The following MTRF1 variants were observed in gnomAD, a reference collection of about 807,000 sequenced individuals.
MTRF1 encodes the protein peptide chain release factor 1, mitochondrial.
MTRF1 carries 51 observed loss-of-function variants against 62.9 expected under a neutral mutation model. The observed-to-expected ratio is 0.81, with a 90% CI of 0.65 to 1.02. The LOEUF (loss-of-function observed/expected upper bound fraction) is 1.02, where lower values mean the gene tolerates loss of function less well. Ranked by LOEUF, MTRF1 falls within the 50% of genes least tolerant of loss-of-function variation. MTRF1 has a pLI of 0.00. For synonymous variants in MTRF1, 158 were observed against 181.9 expected (o/e 0.87, Z 1.06); for missense variants, 446 against 530.0 (o/e 0.84, Z 1.56).
upstream of MTRF1, among the ~76,000 whole-genome samples, chr13:41,268,318 A>G (rs1268196187): frequency 2.0e-5 from 3 of 152,224 alleles, no homozygotes; most frequent in Non-Finnish European, 2.9e-5. Flanking sequence ...TAGGGAAACC[A>G]ATATCTTAAA....
the MTRF1 span, among the ~76,000 whole-genome samples, chr13:41,303,894 CA>C: frequency 6.6e-6 from 1 of 152,156 alleles, no homozygotes; most frequent in Non-Finnish European, 1.5e-5. Flanking sequence ...TGTAGTAGAG[CA>C]AATCTCCCCA....
intron 9 of MTRF1, among the ~76,000 whole-genome samples, chr13:41,218,919 G>T (rs1169343299): frequency 6.6e-6 from 1 of 152,120 alleles, no homozygotes; most frequent in Non-Finnish European, 1.5e-5. Flanking sequence ...AAATTAAACA[G>T]AAAGCAAAAA....
the MTRF1 span, among the ~76,000 whole-genome samples, chr13:41,297,810 C>T: frequency 1.3e-5 from 2 of 151,948 alleles, no homozygotes; most frequent in South Asian, 2.1e-4. Flanking sequence ...CCCTTACCTC[C>T]AGTGATGTGC....
the MTRF1 span, among the ~76,000 whole-genome samples, chr13:41,269,867 C>A: frequency 6.6e-6 from 1 of 152,298 alleles, no homozygotes; most frequent in Non-Finnish European, 1.5e-5. Context: ...TCCAGGCTGT[C>A]CTTGTTCATT....
the MTRF1 span, among the ~76,000 whole-genome samples, chr13:41,310,219 A>G: frequency 6.6e-6 from 1 of 152,218 alleles, no homozygotes; most frequent in African/African-American, 2.4e-5. Flanking sequence ...CTCACACATT[A>G]CCATCAATAT....
At chr13:41,295,956 A>AT in the MTRF1 span, among the ~76,000 whole-genome samples, 1 of 150,566 alleles carries the variant, frequency 6.6e-6, no homozygotes, top group Admixed American at 6.6e-5. Context: ...TTTTTTTTTC[A>AT]TTTTTTGTTT....
In MTRF1 at chr13:41,254,562, G is replaced by A; in HGVS notation, c.474C>T (p.Thr158=). ...ACAACATGTTGATTTTTTGATCAATGGTTTGCCTTTCTTCCAGTGCAAGTT... is the reference window on the plus strand; with the variant it reads ...ACAACATGTTGATTTTTTGATCAATAGTTTGCCTTTCTTCCAGTGCAAGTT... ...LQELALEERQ[T]IDQKINMLYN... is the part of the protein sequence containing the mutation. Residue 158 remains threonine (T), a synonymous_variant, in exon 3 of 10, where the codon ACC becomes ACT. Coordinates refer to ENST00000379480, the MANE Select transcript of MTRF1 (RefSeq NM_004294.4). The A allele has an allele frequency of 6.2e-7, 1 of 1,613,398 alleles. No homozygotes were observed. Among genetic ancestry groups the A allele is most frequent in the Non-Finnish European group, 8.5e-7 (1 of 1,179,718 alleles).
Position 41,221,886 on chromosome 13 carries a change from C to T in MTRF1, c.1224+1370G>A, listed in dbSNP as rs758821729. On this transcript the variant is annotated intron_variant, in intron 9 of 9. Transcript: ENST00000379480. ...TAGAACAATATGGCCAAACACGTTT[C>T]GTTAATACTGTGTGTTTCCGGAGGA... Among the ~76,000 whole-genome samples the T allele has an allele frequency of 7.9e-5, 12 of 152,226 alleles. No individual in the cohort carries two copies. The East Asian group carries it at 2.1e-3, about 27-fold the overall frequency.
chr13:41,225,719 G>A (rs776036998), intron 8 of MTRF1, among the ~76,000 whole-genome samples: 1 of 149,902 alleles, frequency 6.7e-6, no homozygotes, highest in Admixed American at 6.7e-5. Flanking sequence ...TGAGGCAGGA[G>A]AATCGCTTGA....
intron 2 of MTRF1, among the ~76,000 whole-genome samples, chr13:41,256,037 A>G (rs1459087951): frequency 1.3e-5 from 2 of 152,242 alleles, no homozygotes; most frequent in African/African-American, 2.4e-5. Flanking sequence ...CATGGAAGTC[A>G]TTAAGCTCTG....
At chr13:41,259,961 A>G (rs1483221133) in intron 2 of MTRF1, among the ~76,000 whole-genome samples, 1 of 152,214 alleles carries the variant, frequency 6.6e-6, no homozygotes, top group Non-Finnish European at 1.5e-5. Flanking sequence ...CCTAGTATGT[A>G]GGTACAGTGT....
chr13:41,264,841 T>C (rs999018205), upstream of MTRF1, among the ~76,000 whole-genome samples: 4 of 152,184 alleles, frequency 2.6e-5, no homozygotes, highest in Admixed American at 6.5e-5. Context: ...AGCTCTGATA[T>C]AGGGCCACCC....
At chr13:41,269,113 T>C in the MTRF1 span, among the ~76,000 whole-genome samples, 1 of 150,684 alleles carries the variant, frequency 6.6e-6, no homozygotes, top group Admixed American at 6.6e-5. Flanking sequence ...TAAGCTTTCT[T>C]ACCAAAAACA....
At chr13:41,260,368 A>AG (rs2077863315) in intron 2 of MTRF1, 125 bp downstream of exon 2, 4 of 998,168 alleles carry the variant, frequency 4.0e-6, no homozygotes, top group Non-Finnish European at 5.7e-6. Flanking sequence ...GAAAAAAAAA[A>AG]CAAAGACTAA....
chr13:41,259,881 C>T (rs370842692), intron 2 of MTRF1, among the ~76,000 whole-genome samples: 114 of 152,152 alleles, frequency 7.5e-4, no homozygotes, highest in African/African-American at 2.6e-3. Flanking sequence ...ACATTATAAA[C>T]AATACTTAAA....
intron 3 of MTRF1, among the ~76,000 whole-genome samples, 157 bp downstream of exon 3, chr13:41,254,372 T>A (rs193085108): frequency 6.6e-6 from 1 of 152,274 alleles, no homozygotes; most frequent in East Asian, 1.9e-4. Flanking sequence ...TTCATTCTCA[T>A]TCTGCAGCAA....
intron 5 of MTRF1, among the ~76,000 whole-genome samples, chr13:41,250,626 T>C (rs2038949390): frequency 6.6e-6 from 1 of 152,130 alleles, no homozygotes; most frequent in African/African-American, 2.4e-5. Flanking sequence ...CCCGAGTAGC[T>C]GAGATTACAG....
At chr13:41,299,389 G>A in the MTRF1 span, among the ~76,000 whole-genome samples, 37 of 152,066 alleles carry the variant, frequency 2.4e-4, no homozygotes, top group African/African-American at 8.4e-4. Flanking sequence ...TTTTAGAGCC[G>A]GCTTTTACTA....
chr13:41,263,067 C>A (rs1312773412), intron 1 of MTRF1, among the ~76,000 whole-genome samples: 6 of 152,120 alleles, frequency 3.9e-5, no homozygotes, highest in African/African-American at 1.4e-4. Flanking sequence ...CACTCCACCA[C>A]CCCCGTATTT....
Sources: gnomAD v4.1 joint callset for allele counts (sites outside exome capture counted in the v4.1 genomes callset) on GRCh38, gnomAD v4.1.1 for gene constraint, MANE v1.5 for transcripts, NCBI Gene and HGNC (gene_info 2026-07-23, HGNC 2026-07-21) for gene names.